Variants in BBS2 observed in about 807,000 individuals in gnomAD.
BBS2 encodes Bardet-Biedl syndrome 2.
BBS2 carries 62 observed loss-of-function variants against 83.0 expected under a neutral mutation model. The observed-to-expected ratio is 0.75, with a 90% CI of 0.61 to 0.92. The LOEUF is 0.92. Among genes scored for constraint, BBS2 ranks in the 40% least tolerant of loss-of-function variants. BBS2 has a pLI of 0.00. For missense variants in BBS2, 784 were observed against 901.0 expected, an observed-to-expected ratio of 0.87 and a Z score of 1.66; for synonymous variants, 303 against 326.1, an observed-to-expected ratio of 0.93 and a Z score of 0.76.
chr16:56,519,812 T>G lies in BBS2; in HGVS notation c.51A>C (p.Arg17=). ...TLKLRHKISP[R]MVAIGRYDGT... ...CGTCGTAGCGCCCTATGGCCACCAT[T>G]CGGGGGCTGATTTTGTGGCGCAGTT... is the stretch of plus-strand genomic sequence containing the variant. Residue 17 remains arginine (R), a synonymous_variant, in exon 1 of 17, where the codon CGA becomes CGC. Coordinates refer to ENST00000245157, the MANE Select transcript of BBS2 (RefSeq NM_031885.5). The G allele has an allele frequency of 6.2e-7, 1 of 1,613,848 alleles. No homozygotes were observed. Among genetic ancestry groups the G allele is most frequent in the Non-Finnish European group, 8.5e-7 (1 of 1,179,848 alleles).
Position 56,506,208 on chromosome 16 carries a change from CAA to C in BBS2, c.627_628del (p.Cys210SerfsTer20), listed in dbSNP as rs773417074. ...ACCAAATCGACTGCCATACATGGGACAAAGAGAGGTGACTATCTGCAAAACAA... is the reference window on the plus strand; with the variant it reads ...ACCAAATCGACTGCCATACATGGGACAGAGAGGTGACTATCTGCAAAACAA... On this transcript the variant is annotated frameshift_variant, in exon 6 of 17. Transcript: ENST00000245157. LOFTEE classifies it high-confidence loss of function. 3 of 1,613,690 alleles carry C rather than the reference CAA, an allele frequency of 1.9e-6. No individual in the cohort carries two copies. The highest frequency in any genetic ancestry group is 3.3e-5 in the Admixed American group (2 of 60,016).
At chr16:56,496,869 T>A (rs1964128152) in intron 15 of BBS2, 98 bp downstream of exon 15, 1 of 938,138 alleles carries the variant, frequency 1.1e-6, no homozygotes, top group African/African-American at 1.6e-5. Flanking sequence ...AAAGTCACTG[T>A]AACAATTTAT....
chr16:56,506,566 GATATT>G (rs1157859138), intron 5 of BBS2, among the ~76,000 whole-genome samples: 4 of 152,104 alleles, frequency 2.6e-5, no homozygotes, highest in Non-Finnish European at 5.9e-5. Context: ...ATATACAATA[GATATT>G]ATATATGTTC....
chr16:56,501,607 T>A, intron 9 of BBS2, 110 bp from the exon 10 acceptor site: 1 of 1,343,984 alleles, frequency 7.4e-7, no homozygotes, highest in South Asian at 1.2e-5. Flanking sequence ...CAGCATATTA[T>A]TATTATTATA....
At chr16:56,518,097 A>G (rs1225516296) in intron 1 of BBS2, among the ~76,000 whole-genome samples, 1 of 152,156 alleles carries the variant, frequency 6.6e-6, no homozygotes, top group African/African-American at 2.4e-5. Flanking sequence ...GATTACAGGC[A>G]TGAGTCACTG....
chr16:56,510,369 T>C lies in BBS2; in HGVS notation c.535-335A>G, dbSNP rs1271429733. On this transcript the variant is annotated intron_variant, in intron 4 of 16. Coordinates refer to ENST00000245157, the MANE Select transcript of BBS2 (RefSeq NM_031885.5). ...GCCCTGTTCAAACACCAGAGTCCAGTGTCCATGGACAAGAGAGGGGCAAGT... is the reference window on the plus strand; with the variant it reads ...GCCCTGTTCAAACACCAGAGTCCAGCGTCCATGGACAAGAGAGGGGCAAGT... Among the ~76,000 whole-genome samples the C allele has an allele frequency of 3.3e-5, 5 of 152,164 alleles. No homozygotes were observed. In the East Asian group the frequency reaches 9.6e-4, roughly 29 times the overall value.
chr16:56,501,326 A>C, intron 10 of BBS2, 27 bp downstream of exon 10: 1 of 1,613,642 alleles, frequency 6.2e-7, no homozygotes. Flanking sequence ...AGGTGCCTCT[A>C]AATACCAGCT....
rs770115895 is a variant in BBS2, at chr16:56,484,737, C to T, written c.*24G>A. The T allele has an allele frequency of 6.2e-7, 1 of 1,601,130 alleles. No homozygotes were observed. Among genetic ancestry groups the T allele is most frequent in the Non-Finnish European group, 8.6e-7 (1 of 1,168,500 alleles). ...TTTAACAGAAAATCTTTGCCAGGAA[C>T]TTCATGACCTGTATTTTCCTCACCT... is the stretch of plus-strand genomic sequence containing the variant. On this transcript the variant is annotated 3_prime_UTR_variant, in exon 17 of 17. Coordinates refer to ENST00000245157, the MANE Select transcript of BBS2 (RefSeq NM_031885.5).
chr16:56,485,489 C>T (rs1486221376), intron 16 of BBS2, 101 bp downstream of exon 16: 1 of 1,482,386 alleles, frequency 6.7e-7, no homozygotes, highest in Non-Finnish European at 9.4e-7. Context: ...AGGTATGCTA[C>T]TTTCAGCCCC....
intron 15 of BBS2, among the ~76,000 whole-genome samples, chr16:56,491,768 A>G (rs1392414745): frequency 5.9e-5 from 9 of 151,714 alleles, no homozygotes; most frequent in African/African-American, 2.2e-4. Context: ...CAATTAAAAA[A>G]TGAGCTAGGG....
chr16:56,481,747 G>A (rs76250807), downstream of BBS2, among the ~76,000 whole-genome samples: 5,860 of 152,296 alleles, frequency 0.038, 147 homozygotes, highest in East Asian at 0.13. Flanking sequence ...TCACTCCTAA[G>A]CTGAACAGGA....
At chr16:56,500,044 C>T in intron 11 of BBS2, 137 bp from the exon 12 acceptor site, 3 of 990,264 alleles carry the variant, frequency 3.0e-6, no homozygotes, top group Non-Finnish European at 3.2e-6. Context: ...ACCCCCAAAA[C>T]ACTTGAGGGT....
chr16:56,475,461 C>G (rs1203241793), intron 17 of BBS2: 2 of 1,574,676 alleles, frequency 1.3e-6, no homozygotes, highest in Non-Finnish European at 1.7e-6. Flanking sequence ...TGGTGCGACT[C>G]TTTCAATAGG....
chr16:56,479,953 T>C (rs1963620802), downstream of BBS2, among the ~76,000 whole-genome samples: 1 of 152,204 alleles, frequency 6.6e-6, no homozygotes, highest in African/African-American at 2.4e-5. Flanking sequence ...ACTCCACATC[T>C]TTTCTGACTA....
Position 56,519,936 on chromosome 16 carries a change from C to G in BBS2, c.-74G>C. 1 of 1,326,442 alleles carries G rather than the reference C, an allele frequency of 7.5e-7. No homozygotes were observed. Among genetic ancestry groups the G allele is most frequent in the Non-Finnish European group, 1.1e-6 (1 of 926,060 alleles). The allele number at this position is 1,326,442 out of a possible 1,614,324, so 82.2% of individuals were successfully genotyped here. The stretch of plus-strand genomic sequence containing the variant: ...GCGGAGCTGGCCTCACGCGCCCGGG[C>G]AAGAAGTGCAGGGACACTACCTGCG... On this transcript the variant is annotated 5_prime_UTR_variant, in exon 1 of 17. Coordinates refer to ENST00000245157, the MANE Select transcript of BBS2 (RefSeq NM_031885.5).
At position 56,497,305 on chromosome 16, in the gene BBS2, G is replaced by A. The variant is rs1964142176; in HGVS notation, c.1798-226C>T. 6.9e-6 allele frequency: 4 copies of A among 579,540 alleles called. No individual in the cohort carries two copies. The East Asian group carries it at 8.9e-5, about 13-fold the overall frequency. The allele number at this position is 579,540 out of a possible 1,614,324, so 35.9% of individuals were successfully genotyped here. On this transcript the variant is annotated intron_variant, in intron 14 of 16. Coordinates refer to ENST00000245157, the MANE Select transcript of BBS2 (RefSeq NM_031885.5). The stretch of plus-strand genomic sequence containing the variant: ...CCATGTGAATCTTCCCCATGCTTTA[G>A]CACCAGGAGCCCCCACAACACACAT...
chr16:56,487,194 T>TAA (rs574194498), intron 15 of BBS2, among the ~76,000 whole-genome samples: 1 of 146,868 alleles, frequency 6.8e-6, no homozygotes. Context: ...TAATTTGATT[T>TAA]AAAAAAAAAA....
chr16:56,509,317 C>T (rs1964511548), intron 5 of BBS2: 1 of 153,624 alleles, frequency 6.5e-6, no homozygotes, highest in African/African-American at 2.4e-5. Context: ...GCCTGGCCAA[C>T]ATGGTGAAAC....
intron 7 of BBS2, 74 bp downstream of exon 7, chr16:56,505,876 C>G: frequency 8.7e-7 from 1 of 1,155,832 alleles, no homozygotes. Context: ...TGTTACTGTT[C>G]TAAGTCCTAC....
Sources: allele counts gnomAD v4.1 joint callset (sites outside exome capture counted in the v4.1 genomes callset), GRCh38; gene constraint gnomAD v4.1.1; transcripts MANE v1.5; gene names NCBI Gene and HGNC (gene_info 2026-07-23, HGNC 2026-07-21).